KCND2: variants seen among roughly 807,000 people sequenced by gnomAD.
KCND2 encodes potassium voltage-gated channel subfamily D member 2.
KCND2 carries 16 observed loss-of-function variants against 54.4 expected under a neutral mutation model. That is an observed-to-expected ratio of 0.29 (90% CI 0.20 to 0.45). The LOEUF (loss-of-function observed/expected upper bound fraction) is 0.45. Among genes scored for constraint, KCND2 ranks in the 20% least tolerant of loss-of-function variants. The pLI, the probability that KCND2 is intolerant of heterozygous loss-of-function variation, is 1.00. For synonymous variants in KCND2, 317 were observed against 310.7 expected (o/e 1.02, Z -0.21); for missense variants, 486 against 824.2 (o/e 0.59, Z 5.02).
At chr7:120,506,021 C>A (rs1281833004) in intron 1 of KCND2, among the ~76,000 whole-genome samples, 6 of 151,170 alleles carry the variant, frequency 4.0e-5, no homozygotes, top group African/African-American at 1.5e-4. Context: ...ATTGTATTTT[C>A]TTCCAATACT....
rs777246112 is a variant in KCND2 at position 120,275,034 on chromosome 7, T to A, written c.402T>A (p.Tyr134Ter). The change falls in exon 1 of 6, where the codon TAT becomes TAA. Residue 134 changes from tyrosine to a stop codon, truncating the protein, a stop_gained. Transcript: ENST00000331113. LOFTEE classifies it high-confidence loss of function. The part of the protein sequence containing the change: ...LIPEIIGDCC[Y>*]EEYKDRRREN... ...CGGAAATCATCGGCGACTGCTGTTATGAGGAGTACAAGGATCGCAGGCGAG... is the reference window on the plus strand; with the variant it reads ...CGGAAATCATCGGCGACTGCTGTTAAGAGGAGTACAAGGATCGCAGGCGAG... 1 of 1,614,018 alleles carries A rather than the reference T, an allele frequency of 6.2e-7. No homozygotes were observed. Among genetic ancestry groups the A allele is most frequent in the Non-Finnish European group, 8.5e-7 (1 of 1,180,024 alleles).
chr7:120,476,363 G>T (rs1186035030), intron 1 of KCND2, among the ~76,000 whole-genome samples: 1 of 152,224 alleles, frequency 6.6e-6, no homozygotes, highest in Non-Finnish European at 1.5e-5. Flanking sequence ...ATAAGCTGCT[G>T]AAAACAGAAA....
intron 1 of KCND2, among the ~76,000 whole-genome samples, chr7:120,429,328 T>C (rs1554438818): frequency 1.3e-5 from 2 of 152,070 alleles, no homozygotes; most frequent in African/African-American, 4.8e-5. Context: ...AATAAATAAA[T>C]AAACAAAAAA....
intron 1 of KCND2, among the ~76,000 whole-genome samples, chr7:120,675,855 C>CTTTTTTTTTTTTTTTTTTTTTTT (rs58226731): frequency 8.2e-6 from 1 of 121,550 alleles, no homozygotes; most frequent in Non-Finnish European, 1.7e-5. Flanking sequence ...TCTTTCTATT[C>CTTTTTTTTTTTTTTTTTTTTTTT]TTTTTTTTTT....
chr7:120,289,832 A>C (rs1412349103), intron 1 of KCND2, among the ~76,000 whole-genome samples: 1 of 152,082 alleles, frequency 6.6e-6, no homozygotes, highest in Non-Finnish European at 1.5e-5. Context: ...ATCTATTTTA[A>C]TTGGGTCTAT....
chr7:120,331,689 TA>T (rs1800071263), intron 1 of KCND2, among the ~76,000 whole-genome samples: 3 of 152,106 alleles, frequency 2.0e-5, no homozygotes, highest in African/African-American at 7.2e-5. Context: ...CTAATATCTA[TA>T]CTTTTAATTT....
At chr7:120,428,344 G>A (rs1801742447) in intron 1 of KCND2, among the ~76,000 whole-genome samples, 1 of 152,134 alleles carries the variant, frequency 6.6e-6, no homozygotes, top group African/African-American at 2.4e-5. Context: ...AATGAAACAG[G>A]TGCGAATACT....
intron 1 of KCND2, among the ~76,000 whole-genome samples, chr7:120,727,182 G>A (rs1194921512): frequency 6.6e-6 from 1 of 152,162 alleles, no homozygotes; most frequent in South Asian, 2.1e-4. Context: ...GAAGCTAACA[G>A]TATTGTTTGA....
chr7:120,420,088 G>A (rs1467935838), intron 1 of KCND2, among the ~76,000 whole-genome samples: 2 of 151,196 alleles, frequency 1.3e-5, no homozygotes, highest in Admixed American at 6.6e-5. Flanking sequence ...TTCTAAACCT[G>A]TTTCTTTTTT....
intron 1 of KCND2, among the ~76,000 whole-genome samples, chr7:120,385,348 T>C (rs1361846429): frequency 6.6e-6 from 1 of 152,026 alleles, no homozygotes; most frequent in Non-Finnish European, 1.5e-5. Context: ...GATGAATATC[T>C]TGAATGCATA....
chr7:120,575,678 C>G (rs1792423108), intron 1 of KCND2, among the ~76,000 whole-genome samples: 1 of 152,164 alleles, frequency 6.6e-6, no homozygotes, highest in South Asian at 2.1e-4. Context: ...CTATATGATG[C>G]TCAGAAACAG....
At chr7:120,371,321 A>G (rs1800761787) in intron 1 of KCND2, among the ~76,000 whole-genome samples, 1 of 152,038 alleles carries the variant, frequency 6.6e-6, no homozygotes, top group Non-Finnish European at 1.5e-5. Flanking sequence ...ATTTTTAATC[A>G]TGCTTACATA....
At chr7:120,588,414 T>A (rs1792627844) in intron 1 of KCND2, among the ~76,000 whole-genome samples, 1 of 150,902 alleles carries the variant, frequency 6.6e-6, no homozygotes, top group Admixed American at 6.6e-5. Flanking sequence ...TGTGTGTGTG[T>A]GTGTGTGTGT....
At chr7:120,342,954 G>T (rs987226603) in intron 1 of KCND2, among the ~76,000 whole-genome samples, 2 of 152,104 alleles carry the variant, frequency 1.3e-5, no homozygotes, top group African/African-American at 2.4e-5. Flanking sequence ...TTAGAAAGTG[G>T]TCTATTGGGG....
chr7:120,421,853 G>A (rs975271965), intron 1 of KCND2, among the ~76,000 whole-genome samples: 1 of 152,090 alleles, frequency 6.6e-6, no homozygotes, highest in African/African-American at 2.4e-5. Context: ...AGCAATGTTG[G>A]CCCACCTGCT....
chr7:120,375,343 T>A (rs1328777096), intron 1 of KCND2, among the ~76,000 whole-genome samples: 1 of 151,874 alleles, frequency 6.6e-6, no homozygotes, highest in Admixed American at 6.6e-5. Flanking sequence ...CCATGCCACT[T>A]CTAATCAAGA....
intron 1 of KCND2, among the ~76,000 whole-genome samples, chr7:120,730,619 G>A (rs1214066377): frequency 1.3e-5 from 2 of 151,928 alleles, no homozygotes; most frequent in East Asian, 1.9e-4. Context: ...TGTTATTCTG[G>A]TGCCAAAGCC....
intron 1 of KCND2, among the ~76,000 whole-genome samples, chr7:120,323,588 G>A (rs1799927908): frequency 1.3e-5 from 2 of 149,556 alleles, no homozygotes; most frequent in Admixed American, 1.3e-4. Context: ...TGAGAATGAT[G>A]ATTTCCAATT....
chr7:120,419,576 G>T (rs1448499305), intron 1 of KCND2, among the ~76,000 whole-genome samples: 1 of 152,076 alleles, frequency 6.6e-6, no homozygotes, highest in Non-Finnish European at 1.5e-5. Flanking sequence ...AGAGCATTTT[G>T]ATTCACAATG....
Sources: gnomAD v4.1 joint callset for allele counts (sites outside exome capture counted in the v4.1 genomes callset) on GRCh38, gnomAD v4.1.1 for gene constraint, MANE v1.5 for transcripts, NCBI Gene and HGNC (gene_info 2026-07-23, HGNC 2026-07-21) for gene names.